Variants in SMARCAD1 observed in about 807,000 individuals in gnomAD.
The protein encoded by SMARCAD1 is SNF2 related chromatin remodeling ATPase with DExD box 1.
SMARCAD1 carries 25 observed loss-of-function variants against 127.1 expected under a neutral mutation model. The observed-to-expected ratio is 0.20, with a 90% CI of 0.14 to 0.27. The LOEUF is 0.27. Ranked by LOEUF, SMARCAD1 falls within the 10% of genes least tolerant of loss-of-function variation. The pLI is 1.00. For synonymous variants in SMARCAD1, 400 were observed against 396.9 expected, an observed-to-expected ratio of 1.01 and a Z score of -0.09; for missense variants, 807 against 1,206.0, an observed-to-expected ratio of 0.67 and a Z score of 4.90.
rs1253805554 is a variant in SMARCAD1, at chr4:94,289,738, A to T, written c.*204A>T. 1.5e-6 allele frequency: 1 copy of T among 670,068 alleles called. No individual in the cohort carries two copies. The highest frequency in any genetic ancestry group is 2.0e-5 in the Admixed American group (1 of 48,968). 41.5% of individuals were successfully genotyped at this position (670,068 alleles called of 1,614,324 possible). A position where few individuals can be genotyped will look rare whatever the true frequency, so the allele number is the denominator to read the frequency against. On this transcript the variant is annotated 3_prime_UTR_variant, in exon 24 of 24. Transcript: ENST00000354268. ...GTGAAATTTCAAAAAAGAAGCCACA[A>T]ATATGTAGTTCTGAAGATGTTGAAT...
intron 6 of SMARCAD1, among the ~76,000 whole-genome samples, chr4:94,242,884 C>T (rs1257515310): frequency 6.6e-6 from 1 of 152,152 alleles, no homozygotes; most frequent in Non-Finnish European, 1.5e-5. Flanking sequence ...CCACTGCACT[C>T]CAGCCTGGGT....
At chr4:94,235,545 T>C (rs376108327) in intron 4 of SMARCAD1, among the ~76,000 whole-genome samples, 2 of 152,032 alleles carry the variant, frequency 1.3e-5, no homozygotes, top group South Asian at 4.1e-4. Context: ...ACCCAGATCA[T>C]TTTGATACCA....
At chr4:94,283,440 A>G (rs1754383619) in intron 22 of SMARCAD1, 137 bp downstream of exon 22, 1 of 762,984 alleles carries the variant, frequency 1.3e-6, no homozygotes, top group Non-Finnish European at 2.2e-6. Flanking sequence ...ATTTTATACC[A>G]GCAGTGTTGA....
chr4:94,208,648 G>A (rs1741655813), intron 2 of SMARCAD1, 64 bp downstream of exon 2: 1 of 1,450,386 alleles, frequency 6.9e-7, no homozygotes, highest in Non-Finnish European at 9.7e-7. Flanking sequence ...AAAGGCAGAA[G>A]GGATTCTCAT....
intron 5 of SMARCAD1, among the ~76,000 whole-genome samples, chr4:94,237,780 A>G (rs1168082751): frequency 2.0e-5 from 3 of 152,158 alleles, no homozygotes; most frequent in Non-Finnish European, 4.4e-5. Context: ...CTGTTTCCCT[A>G]TTAGCACTTA....
At chr4:94,237,292 G>A (rs576566726) in intron 5 of SMARCAD1, among the ~76,000 whole-genome samples, 19 of 152,082 alleles carry the variant, frequency 1.2e-4, no homozygotes, top group African/African-American at 4.1e-4. Flanking sequence ...TTGCATTGTG[G>A]TTTTATTATA....
intron 5 of SMARCAD1, among the ~76,000 whole-genome samples, chr4:94,238,344 T>G (rs1026228259): frequency 6.6e-6 from 1 of 152,182 alleles, no homozygotes; most frequent in Admixed American, 6.6e-5. Context: ...TCCTTAGCAG[T>G]AAAGTAGTAT....
intron 2 of SMARCAD1, among the ~76,000 whole-genome samples, chr4:94,211,488 CAT>C (rs1304747806): frequency 6.6e-6 from 1 of 152,120 alleles, no homozygotes; most frequent in East Asian, 1.9e-4. Flanking sequence ...ACTTCTTTAT[CAT>C]GTGGTAACTT....
intron 2 of SMARCAD1, among the ~76,000 whole-genome samples, chr4:94,217,359 A>G (rs1743358578): frequency 6.6e-6 from 1 of 152,094 alleles, no homozygotes; most frequent in Admixed American, 6.5e-5. Flanking sequence ...GGGTCTGTTA[A>G]TCTGTTCCTC....
Position 94,280,850 on chromosome 4 carries a change from C to T in SMARCAD1, c.2607+70C>T. The T allele has an allele frequency of 9.2e-6, 13 of 1,412,292 alleles. No homozygotes were observed. In the South Asian group the frequency reaches 1.5e-4, roughly 16 times the overall value. The allele number at this position is 1,412,292 out of a possible 1,614,324, so 87.5% of individuals were successfully genotyped here. A position where few individuals can be genotyped will look rare whatever the true frequency, so the allele number is the denominator to read the frequency against. On this transcript the variant is annotated intron_variant, in intron 20 of 23. Coordinates refer to ENST00000354268, the MANE Select transcript of SMARCAD1 (RefSeq NM_020159.5). ...TTAACTTCTTAAAGCAATTCTGGCA[C>T]ACTGACTTGCTTGAATTAGCCTATG...
At chr4:94,273,842 T>C (rs566643737) in intron 12 of SMARCAD1, 126 bp downstream of exon 12, 30 of 727,264 alleles carry the variant, frequency 4.1e-5, no homozygotes, top group Middle Eastern at 4.7e-4. Flanking sequence ...GAATATTAAT[T>C]TTATGGTCTC....
At chr4:94,254,295 T>C (rs1749729152) in intron 9 of SMARCAD1, among the ~76,000 whole-genome samples, 1 of 152,154 alleles carries the variant, frequency 6.6e-6, no homozygotes, top group South Asian at 2.1e-4. Flanking sequence ...TGTTCTTCTT[T>C]TCTTCCTTTT....
At chr4:94,208,099 C>G (rs539411298) in intron 1 of SMARCAD1, 29 bp downstream of exon 1, 16 of 540,912 alleles carry the variant, frequency 3.0e-5, no homozygotes, top group South Asian at 2.1e-4. Context: ...AGGGTCAGCT[C>G]GTGGTTTCAG....
At position 94,208,674 on chromosome 4, in the gene SMARCAD1, C is replaced by CAT. The variant is rs566767405; in HGVS notation, c.190+97_190+98dup. The CAT allele has an allele frequency of 2.3e-4, 286 of 1,239,222 alleles. 5 individuals carry two copies. The East Asian group carries it at 6.9e-3, about 30-fold the overall frequency. 76.8% of individuals were successfully genotyped at this position (1,239,222 alleles called of 1,614,324 possible). A position where few individuals can be genotyped will look rare whatever the true frequency, so the allele number is the denominator to read the frequency against. ...GGATTCTCATTTTTATTCTTGATGT[C>CAT]ATATATATTGATGCATTGTCCTGCG... On this transcript the variant is annotated intron_variant, in intron 2 of 23. Coordinates refer to ENST00000354268, the MANE Select transcript of SMARCAD1 (RefSeq NM_020159.5).
chr4:94,211,817 A>G (rs1256919569), intron 2 of SMARCAD1, among the ~76,000 whole-genome samples: 1 of 152,120 alleles, frequency 6.6e-6, no homozygotes, highest in African/African-American at 2.4e-5. Flanking sequence ...GTTTCATTAA[A>G]TCTCAGTAAA....
intron 6 of SMARCAD1, among the ~76,000 whole-genome samples, chr4:94,247,671 C>T (rs551120993): frequency 2.6e-4 from 40 of 152,260 alleles, no homozygotes; most frequent in African/African-American, 9.4e-4. Flanking sequence ...ACCCATTAAG[C>T]AGTTTCTCCC....
chr4:94,221,051 A>G (rs568465648), intron 2 of SMARCAD1, among the ~76,000 whole-genome samples: 1 of 152,334 alleles, frequency 6.6e-6, no homozygotes, highest in East Asian at 1.9e-4. Flanking sequence ...GTTTTCTCAA[A>G]ATGAACAAAG....
intron 20 of SMARCAD1, among the ~76,000 whole-genome samples, 149 bp from the exon 21 acceptor site, chr4:94,281,309 CTTCGGTATTACTGA>C (rs1753989340): frequency 6.6e-6 from 1 of 152,200 alleles, no homozygotes; most frequent in Admixed American, 6.5e-5. Context: ...AGACATACGT[CTTCGGTATTACTGA>C]TTTGTATTAA....
chr4:94,275,796 C>CTTTTATTTTATTTTATTTTTTTT (rs1553920714), intron 14 of SMARCAD1, among the ~76,000 whole-genome samples: 2 of 85,412 alleles, frequency 2.3e-5, no homozygotes, highest in Admixed American at 1.3e-4. Context: ...TTAACATTTT[C>CTTTTATTTTATTTTATTTTTTTT]TTTTTTTTTT....
Sources: gnomAD v4.1 joint callset for allele counts (sites outside exome capture counted in the v4.1 genomes callset) on GRCh38, gnomAD v4.1.1 for gene constraint, MANE v1.5 for transcripts, NCBI Gene and HGNC (gene_info 2026-07-23, HGNC 2026-07-21) for gene names.